Variants in PHIP observed in about 807,000 individuals in gnomAD.
The protein encoded by PHIP is PH-interacting protein.
Under a neutral mutation model 236.8 loss-of-function variants are expected in PHIP, and 54 were observed. That is an observed-to-expected ratio of 0.23 (90% CI 0.18 to 0.29). The LOEUF (loss-of-function observed/expected upper bound fraction) is 0.29, where lower values mean the gene tolerates loss of function less well. PHIP is among the 10% of genes least tolerant of loss of function. The probability of loss-of-function intolerance (pLI) is 1.00; values close to 1 mark genes in which losing one functional copy is unlikely to be tolerated. For missense variants in PHIP, 1,370 were observed against 2,190.8 expected (o/e 0.63, Z 7.48); for synonymous variants, 756 against 718.9 (o/e 1.05, Z -0.83).
intron 22 of PHIP, among the ~76,000 whole-genome samples, chr6:78,983,714 T>C (rs1364234105): frequency 6.6e-6 from 1 of 152,138 alleles, no homozygotes; most frequent in Non-Finnish European, 1.5e-5. Context: ...TTCATTTAGA[T>C]AAAATTATTC....
chr6:78,951,465 C>T (rs917776510), intron 35 of PHIP, among the ~76,000 whole-genome samples: 2 of 152,118 alleles, frequency 1.3e-5, no homozygotes, highest in Non-Finnish European at 2.9e-5. Context: ...ATATGAAGTG[C>T]ATGATCTGCC....
At chr6:79,037,902 G>A (rs998649479) in intron 7 of PHIP, among the ~76,000 whole-genome samples, 1 of 152,154 alleles carries the variant, frequency 6.6e-6, no homozygotes, top group Admixed American at 6.5e-5. Context: ...CAAAGACAAA[G>A]CTCACAACTT....
chr6:79,019,179 G>A lies in PHIP; in HGVS notation c.924-20C>T. 6.4e-7 allele frequency: 1 copy of A among 1,567,802 alleles called. No homozygotes were observed. The highest frequency in any genetic ancestry group is 1.1e-5 in the South Asian group (1 of 89,174). ...CTTGGGCTGTAATACAAAAAATAAA[G>A]AATTAAAAATATCCTAAAGGAACCA... On this transcript the variant is annotated intron_variant, in intron 9 of 39. Coordinates refer to ENST00000275034, the MANE Select transcript of PHIP (RefSeq NM_017934.7).
chr6:78,981,069 G>A (rs1768495411), intron 23 of PHIP, among the ~76,000 whole-genome samples: 1 of 152,010 alleles, frequency 6.6e-6, no homozygotes, highest in African/African-American at 2.4e-5. Flanking sequence ...AACTTAGAAT[G>A]TTTGGTTGAG....
intron 7 of PHIP, among the ~76,000 whole-genome samples, chr6:79,028,433 G>C (rs916847752): frequency 2.0e-5 from 3 of 152,074 alleles, no homozygotes; most frequent in Admixed American, 1.3e-4. Flanking sequence ...TCAAAGACAT[G>C]GTTATAACAG....
At chr6:78,981,746 A>T (rs1768551176) in intron 23 of PHIP, among the ~76,000 whole-genome samples, 1 of 152,054 alleles carries the variant, frequency 6.6e-6, no homozygotes, top group African/African-American at 2.4e-5. Flanking sequence ...CACATGGCTA[A>T]ATCAGTTTTC....
At chr6:78,983,774 C>T (rs1768691516) in intron 22 of PHIP, among the ~76,000 whole-genome samples, 2 of 151,708 alleles carry the variant, frequency 1.3e-5, no homozygotes, top group Non-Finnish European at 2.9e-5. Flanking sequence ...TCAAAGCATG[C>T]CATGATTCAG....
intron 9 of PHIP, among the ~76,000 whole-genome samples, chr6:79,021,171 G>T (rs1188665327): frequency 6.6e-6 from 1 of 152,114 alleles, no homozygotes; most frequent in Non-Finnish European, 1.5e-5. Context: ...ATTGGAGACA[G>T]AGGCTCACTC....
chr6:78,994,443 G>A (rs1329343209), intron 19 of PHIP, among the ~76,000 whole-genome samples: 2 of 152,156 alleles, frequency 1.3e-5, no homozygotes, highest in Non-Finnish European at 2.9e-5. Context: ...CAGGCATGGT[G>A]GCATGCGCCT....
chr6:79,015,833 A>G lies in PHIP; in HGVS notation c.1236-50T>C, dbSNP rs149043151. On this transcript the variant is annotated intron_variant, in intron 13 of 39. Coordinates refer to ENST00000275034, the MANE Select transcript of PHIP (RefSeq NM_017934.7). ...CTGACTATTAAAATACTGACACAAC[A>G]AAAACCAAAACATATAATCTATAAT... 9.8e-3 allele frequency: 12,516 copies of G among 1,282,526 alleles called. 87 individuals are homozygous for G. Among genetic ancestry groups the G allele is most frequent in the Non-Finnish European group, 0.012 (10,900 of 906,256 alleles). 79.4% of individuals were successfully genotyped at this position (1,282,526 alleles called of 1,614,324 possible). A position where few individuals can be genotyped will look rare whatever the true frequency, so the allele number is the denominator to read the frequency against.
In PHIP at chr6:78,959,343, T is replaced by C. The variant is rs1479355606; in HGVS notation, c.3657-743A>G. ...ATAACACTGTATCTAATTGTGGACATAGAAACATAAAGAAAAACTGTGCAT... is the reference window on the plus strand; with the variant it reads ...ATAACACTGTATCTAATTGTGGACACAGAAACATAAAGAAAAACTGTGCAT... On this transcript the variant is annotated intron_variant, in intron 31 of 39. Transcript: ENST00000275034. Among the ~76,000 whole-genome samples the C allele has an allele frequency of 3.9e-5, 6 of 152,108 alleles. No individual in the cohort carries two copies. The East Asian group carries it at 7.7e-4, about 20-fold the overall frequency.
chr6:79,044,830 A>G (rs933648927), intron 6 of PHIP, among the ~76,000 whole-genome samples: 2 of 152,152 alleles, frequency 1.3e-5, no homozygotes, highest in African/African-American at 4.8e-5. Context: ...AAAATCGGAG[A>G]TGATAAAGTA....
intron 8 of PHIP, 134 bp downstream of exon 8, chr6:79,025,809 C>A: frequency 1.4e-6 from 1 of 722,016 alleles, no homozygotes; most frequent in Non-Finnish European, 2.3e-6. Context: ...TTTTAGTTGG[C>A]CTTATATACT....
chr6:79,015,850 A>C, intron 13 of PHIP, 67 bp from the exon 14 acceptor site: 3 of 1,012,012 alleles, frequency 3.0e-6, no homozygotes, highest in Non-Finnish European at 4.4e-6. Flanking sequence ...AAAACATATA[A>C]TCTATAATTA....
intron 7 of PHIP, among the ~76,000 whole-genome samples, chr6:79,030,246 G>C (rs1372730826): frequency 6.6e-6 from 1 of 152,152 alleles, no homozygotes; most frequent in Non-Finnish European, 1.5e-5. Flanking sequence ...TGGAATAAAA[G>C]CAGTAAGAAA....
chr6:78,974,819 C>T (rs1005074694), intron 24 of PHIP, among the ~76,000 whole-genome samples: 3 of 150,746 alleles, frequency 2.0e-5, no homozygotes, highest in African/African-American at 7.3e-5. Flanking sequence ...CAAGACTAAA[C>T]CAGGAAGAAG....
chr6:79,030,436 T>C (rs907139652), intron 7 of PHIP, among the ~76,000 whole-genome samples: 1 of 152,120 alleles, frequency 6.6e-6, no homozygotes, highest in African/African-American at 2.4e-5. Flanking sequence ...GGGCTAGGAA[T>C]TGGCAAAGTA....
intron 22 of PHIP, among the ~76,000 whole-genome samples, chr6:78,983,826 C>A (rs1768695554): frequency 6.6e-6 from 1 of 152,172 alleles, no homozygotes; most frequent in South Asian, 2.1e-4. Flanking sequence ...TGCTTCCAAT[C>A]ATGTTTGTCA....
In PHIP at chr6:79,014,669, T is replaced by C. The variant is rs373739334; in HGVS notation, c.1524+413A>G. 5.9e-5 allele frequency among the ~76,000 whole-genome samples: 9 copies of C among 151,980 alleles called. No individual in the cohort carries two copies. The East Asian group carries it at 1.5e-3, about 26-fold the overall frequency. ...TAAAAGCAAGAAATGCTTGATTCTT[T>C]GGCCTTAATTTTAAAATCAGTGTAC... On this transcript the variant is annotated intron_variant, in intron 15 of 39. Transcript: ENST00000275034.
Sources: gnomAD v4.1 joint callset for allele counts (sites outside exome capture counted in the v4.1 genomes callset) on GRCh38, gnomAD v4.1.1 for gene constraint, MANE v1.5 for transcripts, NCBI Gene and HGNC (gene_info 2026-07-23, HGNC 2026-07-21) for gene names.